Variants in KBTBD3 observed in about 807,000 individuals in gnomAD.
KBTBD3 encodes kelch repeat and BTB domain containing 3.
KBTBD3 carries 38 observed loss-of-function variants against 49.6 expected under a neutral mutation model. The ratio of observed to expected loss-of-function variants is 0.77; its 90% confidence interval spans 0.59 to 1.00. The LOEUF (loss-of-function observed/expected upper bound fraction) is 1.00, where lower values mean the gene tolerates loss of function less well. Ranked by LOEUF, KBTBD3 falls within the 50% of genes least tolerant of loss-of-function variation. KBTBD3 has a pLI of 0.00. For missense variants in KBTBD3, 661 were observed against 712.0 expected (o/e 0.93, Z 0.81); for synonymous variants, 214 against 250.4 (o/e 0.85, Z 1.37).
chr11:106,071,230 C>T (rs567083813), intron 2 of KBTBD3, among the ~76,000 whole-genome samples: 21 of 151,912 alleles, frequency 1.4e-4, no homozygotes, highest in Middle Eastern at 6.8e-3. Context: ...TAAAATAAGT[C>T]GGAAATAAAA....
At position 106,053,237 on chromosome 11, in the gene KBTBD3, A is replaced by T. The variant is rs143991938; in HGVS notation, c.1452T>A (p.Asp484Glu). The T allele has an allele frequency of 8.7e-6, 14 of 1,613,614 alleles. No individual in the cohort carries two copies. The highest frequency in any genetic ancestry group is 1.2e-5 in the Non-Finnish European group (14 of 1,179,860). The change falls in exon 4 of 4, where the codon GAT (aspartate) becomes GAA (glutamate). Residue 484 changes from aspartate (D) to glutamate (E), a missense_variant. Transcript: ENST00000531837. ...DCFFKYNATT[D>E]QWSELVAEFG... ...ACTCTGCTACTAGTTCAGACCACTG[A>T]TCAGTTGTAGCATTGTATTTAAAAA...
At chr11:106,055,999 CAT>C (rs774703615) in intron 3 of KBTBD3, among the ~76,000 whole-genome samples, 3 of 152,150 alleles carry the variant, frequency 2.0e-5, no homozygotes, top group Admixed American at 1.3e-4. Flanking sequence ...ATGTATAAAA[CAT>C]GTGTGATTCC....
chr11:106,055,692 G>C (rs1009290306), intron 3 of KBTBD3, among the ~76,000 whole-genome samples: 1 of 152,114 alleles, frequency 6.6e-6, no homozygotes, highest in African/African-American at 2.4e-5. Context: ...GCCTTGGGGA[G>C]GTGACTTAAC....
chr11:106,053,865 A>G lies in KBTBD3; in HGVS notation c.824T>C (p.Ile275Thr). 6.2e-7 allele frequency: 1 copy of G among 1,613,996 alleles called. No individual in the cohort carries two copies. Among genetic ancestry groups the G allele is most frequent in the Non-Finnish European group, 8.5e-7 (1 of 1,179,928 alleles). ...TCCACCAGAACCTTGCACACACTTA[A>G]TTGCATCCATGATTATGTCAAAACA... ...TNCFDIIMDA[I>T]KCVQGSGGLF... The change falls in exon 4 of 4, where the codon ATT (isoleucine) becomes ACT (threonine). Residue 275 changes from isoleucine (I) to threonine (T), a missense_variant. Coordinates refer to ENST00000531837, the MANE Select transcript of KBTBD3 (RefSeq NM_198439.3).
In KBTBD3 at chr11:106,053,379, A is replaced by C; in HGVS notation, c.1310T>G (p.Val437Gly). The change falls in exon 4 of 4, where the codon GTT (valine) becomes GGT (glycine). Residue 437 changes from valine (V) to glycine (G), a missense_variant. Val to Gly is a moderately radical substitution (Grantham distance 109). Coordinates refer to ENST00000531837, the MANE Select transcript of KBTBD3 (RefSeq NM_198439.3). ...GTATATGCCTCTGGGTAATGGGCTA[A>C]CAGATATCCATTCTTTGGAAAGAGG... ...YNPLSKEWIS[V>G]SPLPRGIYYP... 6.2e-7 allele frequency: 1 copy of C among 1,613,372 alleles called. No homozygotes were observed. The highest frequency in any genetic ancestry group is 8.5e-7 in the Non-Finnish European group (1 of 1,179,790).
chr11:106,069,777 T>C (rs1860882908), intron 2 of KBTBD3, among the ~76,000 whole-genome samples: 1 of 152,034 alleles, frequency 6.6e-6, no homozygotes, highest in African/African-American at 2.4e-5. Flanking sequence ...AAAATTTATA[T>C]GTAATGATAA....
chr11:106,063,920 ACT>A (rs1226659422), intron 2 of KBTBD3, among the ~76,000 whole-genome samples: 1 of 151,936 alleles, frequency 6.6e-6, no homozygotes, highest in Non-Finnish European at 1.5e-5. Flanking sequence ...ACAGAGAGAG[ACT>A]CTGTCTCAAA....
At chr11:106,068,895 A>G (rs746067259) in intron 2 of KBTBD3, among the ~76,000 whole-genome samples, 2 of 152,192 alleles carry the variant, frequency 1.3e-5, no homozygotes, top group Admixed American at 1.3e-4. Flanking sequence ...GGCTGTTTCA[A>G]TATTTGAATA....
chr11:106,077,003 T>C (rs1416414852), intron 1 of KBTBD3, among the ~76,000 whole-genome samples: 1 of 152,172 alleles, frequency 6.6e-6, no homozygotes, highest in African/African-American at 2.4e-5. Context: ...GGATAGTGCC[T>C]CTGCTCGGCC....
At chr11:106,056,370 T>G (rs1321243238) in intron 3 of KBTBD3, among the ~76,000 whole-genome samples, 1 of 152,160 alleles carries the variant, frequency 6.6e-6, no homozygotes, top group East Asian at 1.9e-4. Flanking sequence ...TATAAAAAAC[T>G]AGCAGTAAGC....
chr11:106,053,669 G>T lies in KBTBD3; in HGVS notation c.1020C>A (p.Tyr340Ter). 1 of 1,613,646 alleles carries T rather than the reference G, an allele frequency of 6.2e-7. No homozygotes were observed. ...CACCTGTCAAGAATATTTTCTCTCCGTAACTCGAAAGACTAGATCCTGGCA... is the reference window on the plus strand; with the variant it reads ...CACCTGTCAAGAATATTTTCTCTCCTTAACTCGAAAGACTAGATCCTGGCA... ...IDLPGSSLSS[Y>*]GEKIFLTGGC... Residue 340 changes from tyrosine to a stop codon, truncating the protein, a stop_gained, in exon 4 of 4, where the codon TAC (tyrosine) becomes TAA (stop). Transcript: ENST00000531837. LOFTEE classifies it high-confidence loss of function.
chr11:106,052,992 G>C lies in KBTBD3; in HGVS notation c.1697C>G (p.Thr566Arg), dbSNP rs1247221460. 6.2e-7 allele frequency: 1 copy of C among 1,613,756 alleles called. No individual in the cohort carries two copies. Among genetic ancestry groups the C allele is most frequent in the Non-Finnish European group, 8.5e-7 (1 of 1,179,782 alleles). Residue 566 changes from threonine (T) to arginine (R), a missense_variant, in exon 4 of 4, where the codon ACA becomes AGA. Thr to Arg is a moderately conservative substitution (Grantham distance 71, BLOSUM62 -1). Transcript: ENST00000531837. ...LGGDYAPDEITDEVQVYHSNR... is the reference protein window; with the variant it reads ...LGGDYAPDEIRDEVQVYHSNR... ...GCTGTGGTAGACCTGCACTTCATCT[G>C]TGATTTCATCTGGTGCATAATCACC...
At chr11:106,069,888 G>A (rs1297219201) in intron 2 of KBTBD3, among the ~76,000 whole-genome samples, 5 of 152,048 alleles carry the variant, frequency 3.3e-5, no homozygotes, top group South Asian at 2.1e-4. Context: ...TCAATACTGT[G>A]TAATATTAGT....
intron 1 of KBTBD3, among the ~76,000 whole-genome samples, chr11:106,077,022 G>T (rs1424205152): frequency 6.6e-6 from 1 of 152,180 alleles, no homozygotes; most frequent in Non-Finnish European, 1.5e-5. Context: ...CCTTCGGAGG[G>T]AGGGTTTCAG....
rs1247815965 is a variant in KBTBD3, at chr11:106,051,623, G to C, written c.*1227C>G. 1 of 151,768 alleles carries C rather than the reference G, an allele frequency of 6.6e-6. No homozygotes were observed. The highest frequency in any genetic ancestry group is 2.1e-4 in the South Asian group (1 of 4,822). 9.4% of individuals were successfully genotyped at this position (151,768 alleles called of 1,614,324 possible). ...AAGCAGGGGTCTTAAAACCCAAAAT[G>C]CCTTTATCTTTTAAACTGATTAAAG... On this transcript the variant is annotated 3_prime_UTR_variant, in exon 4 of 4. Transcript: ENST00000531837.
intron 3 of KBTBD3, 152 bp from the exon 4 acceptor site, chr11:106,054,607 T>C: frequency 2.6e-6 from 1 of 385,308 alleles, no homozygotes; most frequent in Non-Finnish European, 4.3e-6. Flanking sequence ...AGAATAATTA[T>C]ATAATATATT....
intron 2 of KBTBD3, chr11:106,076,150 G>A (rs570256715): frequency 9.2e-5 from 14 of 152,294 alleles, no homozygotes; most frequent in African/African-American, 3.4e-4. Flanking sequence ...TTGCTGATAT[G>A]GGTATTAGTA....
rs1860441043 is a variant in KBTBD3, at chr11:106,052,613, A to G, written c.*237T>C. 4.9e-6 allele frequency: 2 copies of G among 410,356 alleles called. No homozygotes were observed. The highest frequency in any genetic ancestry group is 8.6e-6 in the Non-Finnish European group (2 of 231,422). The allele number at this position is 410,356 out of a possible 1,614,324, so 25.4% of individuals were successfully genotyped here. A position where few individuals can be genotyped will look rare whatever the true frequency, so the allele number is the denominator to read the frequency against. On this transcript the variant is annotated 3_prime_UTR_variant, in exon 4 of 4. Coordinates refer to ENST00000531837, the MANE Select transcript of KBTBD3 (RefSeq NM_198439.3). Reference sequence around the variant, plus strand: ...GTCAGAGTCTATGATTTGTAGTTTCATGTGAAAATACTAAGTATTCTGGAT... The same window carrying G: ...GTCAGAGTCTATGATTTGTAGTTTCGTGTGAAAATACTAAGTATTCTGGAT...
At chr11:106,056,361 A>G (rs1002455690) in intron 3 of KBTBD3, among the ~76,000 whole-genome samples, 1 of 152,234 alleles carries the variant, frequency 6.6e-6, no homozygotes, top group Non-Finnish European at 1.5e-5. Context: ...AAGCAGACCT[A>G]TAAAAAACTA....
Sources: allele counts gnomAD v4.1 joint callset (sites outside exome capture counted in the v4.1 genomes callset), GRCh38; gene constraint gnomAD v4.1.1; transcripts MANE v1.5; gene names NCBI Gene and HGNC (gene_info 2026-07-23, HGNC 2026-07-21).